The following SUGCT variants were observed in gnomAD, a reference collection of about 807,000 sequenced individuals.
The protein encoded by SUGCT is succinyl-CoA:glutarate CoA-transferase.
Under a neutral mutation model 55.0 loss-of-function variants are expected in SUGCT, and 41 were observed. The ratio of observed to expected loss-of-function variants is 0.74; its 90% CI spans 0.58 to 0.97. The LOEUF (loss-of-function observed/expected upper bound fraction) is 0.97. Ranked by LOEUF, SUGCT falls within the 50% of genes least tolerant of loss-of-function variation. The pLI is 0.00. For missense variants in SUGCT, 568 were observed against 547.8 expected (o/e 1.04, Z -0.37); for synonymous variants, 187 against 200.4 (o/e 0.93, Z 0.56).
At chr7:40,250,939 C>T (rs1312290438) in intron 7 of SUGCT, among the ~76,000 whole-genome samples, 2 of 149,490 alleles carry the variant, frequency 1.3e-5, no homozygotes, top group African/African-American at 2.5e-5. Flanking sequence ...CGGGTTCAAG[C>T]GATTTTCCTG....
At position 40,852,201 on chromosome 7, in the gene SUGCT, C is replaced by T. The variant is rs556557211; in HGVS notation, c.1154-8115C>T. ...AATCTTCCCTATCTGGTAAATGAAC[C>T]CAGAAACTCAGTATTCTTCTTTGAT... On this transcript the variant is annotated intron_variant, in intron 13 of 13. Transcript: ENST00000335693. 9.5e-4 allele frequency among the ~76,000 whole-genome samples: 144 copies of T among 152,290 alleles called. 1 individual carries two copies. Among genetic ancestry groups the T allele is most frequent in the African/African-American group, 3.3e-3 (136 of 41,560 alleles).
At chr7:40,306,284 TTTCC>T (rs1259142029) in intron 8 of SUGCT, among the ~76,000 whole-genome samples, 1 of 152,224 alleles carries the variant, frequency 6.6e-6, no homozygotes, top group Non-Finnish European at 1.5e-5. Flanking sequence ...GGGAAGGCCC[TTTCC>T]TTTGTTTTTG....
chr7:40,211,096 T>G (rs926062383), intron 6 of SUGCT, among the ~76,000 whole-genome samples: 2 of 151,398 alleles, frequency 1.3e-5, no homozygotes, highest in African/African-American at 4.9e-5. Context: ...TGTGCCTGTC[T>G]CTCGAGTAGC....
the SUGCT span, among the ~76,000 whole-genome samples, chr7:41,034,538 T>C: frequency 6.6e-6 from 1 of 152,170 alleles, no homozygotes; most frequent in Non-Finnish European, 1.5e-5. Flanking sequence ...AGAAGCGAGC[T>C]GATGAGACTA....
At chr7:40,961,020 A>C in the SUGCT span, among the ~76,000 whole-genome samples, 2 of 152,212 alleles carry the variant, frequency 1.3e-5, no homozygotes, top group African/African-American at 4.8e-5. Flanking sequence ...GACTCTCTTA[A>C]GAAGGGAACA....
At chr7:40,808,233 A>C (rs1203576) in intron 13 of SUGCT, 1 of 152,112 alleles carries the variant, frequency 6.6e-6, no homozygotes, top group Non-Finnish European at 1.5e-5. Context: ...AATTTCAAGG[A>C]TAACCTGAAG....
At chr7:40,914,901 A>G in the SUGCT span, among the ~76,000 whole-genome samples, 1 of 152,216 alleles carries the variant, frequency 6.6e-6, no homozygotes, top group Non-Finnish European at 1.5e-5. Context: ...GGAAAATACA[A>G]TTTGGCTAAG....
intron 12 of SUGCT, among the ~76,000 whole-genome samples, chr7:40,728,159 C>A (rs77731511): frequency 0.018 from 2,758 of 152,130 alleles, 76 homozygotes; most frequent in African/African-American, 0.063. Flanking sequence ...TAAATTTATA[C>A]CTTTACCTTC....
chr7:40,741,121 A>C (rs890798453), intron 12 of SUGCT, among the ~76,000 whole-genome samples: 1 of 152,046 alleles, frequency 6.6e-6, no homozygotes, highest in African/African-American at 2.4e-5. Context: ...TACTAAAAAT[A>C]CAAATAATTA....
intron 12 of SUGCT, among the ~76,000 whole-genome samples, chr7:40,633,699 G>A (rs1210732322): frequency 1.3e-5 from 2 of 152,132 alleles, no homozygotes; most frequent in Non-Finnish European, 2.9e-5. Flanking sequence ...AAGATTTAAA[G>A]GCTCATAAAG....
At chr7:40,390,470 A>G (rs1487336255) in intron 9 of SUGCT, among the ~76,000 whole-genome samples, 2 of 152,224 alleles carry the variant, frequency 1.3e-5, no homozygotes. Flanking sequence ...CAAAAATCAC[A>G]GGCATTCCTA....
the SUGCT span, among the ~76,000 whole-genome samples, chr7:40,904,693 G>T: frequency 3.6e-3 from 550 of 152,242 alleles, 6 homozygotes; most frequent in African/African-American, 9.6e-3. Context: ...TACATGTTAA[G>T]TATATTTTGT....
intron 11 of SUGCT, among the ~76,000 whole-genome samples, chr7:40,489,649 C>G (rs1226139184): frequency 6.6e-6 from 1 of 152,162 alleles, no homozygotes; most frequent in Non-Finnish European, 1.5e-5. Flanking sequence ...CCACTGCACT[C>G]TAGCCTGGTG....
intron 12 of SUGCT, among the ~76,000 whole-genome samples, chr7:40,570,058 G>T (rs1414780763): frequency 1.3e-5 from 2 of 152,176 alleles, no homozygotes; most frequent in Admixed American, 6.5e-5. Flanking sequence ...GGTTTCAAGA[G>T]AAATTACTAT....
At chr7:40,827,370 G>T (rs768559750) in intron 13 of SUGCT, among the ~76,000 whole-genome samples, 2 of 152,140 alleles carry the variant, frequency 1.3e-5, no homozygotes, top group Non-Finnish European at 2.9e-5. Flanking sequence ...GAGTCTCAGA[G>T]AAGGGGAGAG....
chr7:40,433,674 T>C (rs1481229753), intron 9 of SUGCT, among the ~76,000 whole-genome samples: 1 of 152,180 alleles, frequency 6.6e-6, no homozygotes, highest in Non-Finnish European at 1.5e-5. Flanking sequence ...GAATGCTCAG[T>C]TGCATGATGT....
intron 12 of SUGCT, among the ~76,000 whole-genome samples, chr7:40,686,907 A>G (rs1482048956): frequency 6.6e-6 from 1 of 152,096 alleles, no homozygotes; most frequent in Non-Finnish European, 1.5e-5. Flanking sequence ...GCAATCACCT[A>G]TTTACAAACT....
At chr7:40,868,987 T>G in the SUGCT span, among the ~76,000 whole-genome samples, 1 of 152,252 alleles carries the variant, frequency 6.6e-6, no homozygotes, top group East Asian at 1.9e-4. Context: ...ATAACCAATG[T>G]AACATTATGT....
intron 9 of SUGCT, among the ~76,000 whole-genome samples, chr7:40,332,659 T>C (rs1488190233): frequency 6.6e-6 from 1 of 152,150 alleles, no homozygotes; most frequent in Non-Finnish European, 1.5e-5. Flanking sequence ...ATAGTGTTAC[T>C]GTGTAGACTG....
Sources: gnomAD v4.1 joint callset for allele counts (sites outside exome capture counted in the v4.1 genomes callset) on GRCh38, gnomAD v4.1.1 for gene constraint, MANE v1.5 for transcripts, NCBI Gene and HGNC (gene_info 2026-07-23, HGNC 2026-07-21) for gene names.